Variants in ANK2 observed in about 807,000 individuals in gnomAD.
ANK2 encodes ankyrin 2.
A neutral mutation model predicts 360.5 loss-of-function variants in ANK2; 83 were observed. The ratio of observed to expected loss-of-function variants is 0.23; its 90% CI spans 0.19 to 0.28. The LOEUF (loss-of-function observed/expected upper bound fraction) is 0.28. ANK2 is among the 10% of genes least tolerant of loss of function. The probability of loss-of-function intolerance (pLI) is 1.00; values close to 1 mark genes in which losing one functional copy is unlikely to be tolerated. For missense variants in ANK2, 4,201 were observed against 4,795.7 expected, an observed-to-expected ratio of 0.88 and a Z score of 3.66; for synonymous variants, 1,740 against 1,759.5, an observed-to-expected ratio of 0.99 and a Z score of 0.28.
chr4:112,936,839 AG>A (rs2093772394), intron 2 of ANK2, among the ~76,000 whole-genome samples: 1 of 152,098 alleles, frequency 6.6e-6, no homozygotes, highest in African/African-American at 2.4e-5. Context: ...CCCAGGCTGT[AG>A]TGCAGTGGCG....
the ANK2 span, among the ~76,000 whole-genome samples, chr4:112,805,218 C>T: frequency 4.6e-5 from 7 of 152,096 alleles, no homozygotes; most frequent in East Asian, 1.9e-4. Context: ...ATGAAAGACA[C>T]GTATAATTGC....
Position 113,355,814 on chromosome 4 carries a change from C to G in ANK2, c.7196C>G (p.Pro2399Arg). Reference sequence around the variant, plus strand: ...ACAGATACAGGAACTGAATCAAAACCTCAGGGAGTCATTAGAAGTCCCCAA... The same window carrying G: ...ACAGATACAGGAACTGAATCAAAACGTCAGGGAGTCATTAGAAGTCCCCAA... ...VKTDTGTESK[P>R]QGVIRSPQGL... The change falls in exon 38 of 46, where the codon CCT (proline) becomes CGT (arginine). Residue 2399 changes from proline to arginine, a missense_variant. Transcript: ENST00000357077. The G allele has an allele frequency of 6.2e-7, 1 of 1,614,092 alleles. No individual in the cohort carries two copies.
chr4:113,295,598 T>C (rs1255806424), intron 22 of ANK2, among the ~76,000 whole-genome samples: 2 of 152,166 alleles, frequency 1.3e-5, no homozygotes, highest in Admixed American at 6.5e-5. Flanking sequence ...CTGGTAACTA[T>C]TATTCTCTAC....
the ANK2 span, among the ~76,000 whole-genome samples, chr4:112,780,536 G>A: frequency 3.9e-5 from 6 of 152,144 alleles, no homozygotes; most frequent in Admixed American, 1.3e-4. Context: ...TTAATTTAAT[G>A]TATAATATGA....
At chr4:113,306,122 G>A in intron 23 of ANK2, among the ~76,000 whole-genome samples, 1 of 152,144 alleles carries the variant, frequency 6.6e-6, no homozygotes, top group South Asian at 2.1e-4. Context: ...GGTCAAAGGT[G>A]AGCATGAGGC....
intron 38 of ANK2, among the ~76,000 whole-genome samples, chr4:113,359,512 A>G (rs2096063309): frequency 6.6e-6 from 1 of 152,158 alleles, no homozygotes; most frequent in African/African-American, 2.4e-5. Context: ...GAGAATGCTT[A>G]TGGAAAACAT....
chr4:112,843,282 T>C (rs1175732848), intron 1 of ANK2, among the ~76,000 whole-genome samples: 1 of 152,242 alleles, frequency 6.6e-6, no homozygotes, highest in African/African-American at 2.4e-5. Context: ...TTTTGTGTAC[T>C]AGAAATTTAT....
At chr4:113,224,101 T>C (rs1157610238) in intron 4 of ANK2, among the ~76,000 whole-genome samples, 6 of 152,160 alleles carry the variant, frequency 3.9e-5, no homozygotes, top group Non-Finnish European at 8.8e-5. Context: ...TTTTAAACCT[T>C]AGCCTCAGAA....
At chr4:113,157,405 A>T (rs533591854) in intron 1 of ANK2, among the ~76,000 whole-genome samples, 183 of 152,294 alleles carry the variant, frequency 1.2e-3, no homozygotes, top group Admixed American at 2.0e-3. Flanking sequence ...GCTTAAAAAA[A>T]TTTTTTTCTT....
intron 1 of ANK2, among the ~76,000 whole-genome samples, chr4:113,160,139 T>A (rs1460143533): frequency 2.0e-5 from 3 of 152,202 alleles, no homozygotes; most frequent in African/African-American, 7.2e-5. Flanking sequence ...ATGATAGTAA[T>A]GATACAGACA....
At chr4:112,790,690 A>G in the ANK2 span, among the ~76,000 whole-genome samples, 11 of 151,916 alleles carry the variant, frequency 7.2e-5, no homozygotes, top group East Asian at 1.2e-3. Flanking sequence ...GTTTTACCAT[A>G]TTGACCAGGC....
At chr4:112,796,841 A>G in the ANK2 span, among the ~76,000 whole-genome samples, 3 of 152,208 alleles carry the variant, frequency 2.0e-5, no homozygotes, top group Non-Finnish European at 4.4e-5. Flanking sequence ...ATTGATCAAC[A>G]TACCATTTTT....
chr4:113,239,754 T>G (rs963775393), intron 7 of ANK2, among the ~76,000 whole-genome samples: 1 of 152,186 alleles, frequency 6.6e-6, no homozygotes, highest in Admixed American at 6.5e-5. Context: ...ATAGTTGATT[T>G]AACCTGGTTG....
At chr4:113,037,593 T>G (rs2061891007) in intron 2 of ANK2, among the ~76,000 whole-genome samples, 1 of 152,044 alleles carries the variant, frequency 6.6e-6, no homozygotes, top group African/African-American at 2.4e-5. Flanking sequence ...CCTAAGTTTT[T>G]TTGTGTAGGA....
At chr4:112,754,636 C>T in the ANK2 span, among the ~76,000 whole-genome samples, 1 of 152,070 alleles carries the variant, frequency 6.6e-6, no homozygotes, top group Non-Finnish European at 1.5e-5. Context: ...CCTGCTTTCC[C>T]TCAGGCAGCC....
rs1296824391 is a variant in ANK2 at position 112,896,152 on chromosome 4, A to G, written c.-39-8303A>G. ...TCAGCAGGATTGCTGGACTTGGAGC[A>G]AAGCTCTGACTTAATTTATGTCCAT... On this transcript the variant is annotated intron_variant, in intron 1 of 30. Coordinates refer to the ANK2 transcript ENST00000503271. 2.6e-5 allele frequency among the ~76,000 whole-genome samples: 4 copies of G among 152,274 alleles called. No homozygotes were observed. The East Asian group carries it at 7.7e-4, about 29-fold the overall frequency.
Position 113,252,352 on chromosome 4 carries a change from A to G in ANK2, c.990+2490A>G, listed in dbSNP as rs546810815. On this transcript the variant is annotated intron_variant, in intron 10 of 45. Coordinates refer to ENST00000357077, the MANE Select transcript of ANK2 (RefSeq NM_001148.6). ...ATGAGATTTGGGTGGGGACACAGCC[A>G]AACCATATTACCTTCCATAAAAACT... 3.3e-5 allele frequency among the ~76,000 whole-genome samples: 5 copies of G among 152,222 alleles called. No individual in the cohort carries two copies. In the East Asian group the frequency reaches 7.7e-4, roughly 24 times the overall value.
intron 2 of ANK2, among the ~76,000 whole-genome samples, chr4:112,916,820 A>AT (rs2089994462): frequency 6.6e-6 from 1 of 152,230 alleles, no homozygotes; most frequent in Admixed American, 6.5e-5. Flanking sequence ...AATGTATTTT[A>AT]ATAAGCAATT....
intron 2 of ANK2, among the ~76,000 whole-genome samples, chr4:112,923,221 A>G (rs1449087319): frequency 6.6e-6 from 1 of 152,218 alleles, no homozygotes; most frequent in Non-Finnish European, 1.5e-5. Flanking sequence ...TTATATTCCA[A>G]TACTTTAAAA....
Sources: gnomAD v4.1 joint callset for allele counts (sites outside exome capture counted in the v4.1 genomes callset) on GRCh38, gnomAD v4.1.1 for gene constraint, MANE v1.5 for transcripts, NCBI Gene and HGNC (gene_info 2026-07-23, HGNC 2026-07-21) for gene names.